Variants in COMMD1 observed in about 807,000 individuals in gnomAD.
The protein encoded by COMMD1 is copper metabolism domain containing 1.
COMMD1 carries 10 observed loss-of-function variants against 17.2 expected under a neutral mutation model. The observed-to-expected ratio is 0.58, with a 90% CI of 0.36 to 0.99. The LOEUF (loss-of-function observed/expected upper bound fraction) is 0.99, where lower values mean the gene tolerates loss of function less well. Among genes scored for constraint, COMMD1 ranks in the 50% least tolerant of loss-of-function variants. The probability of loss-of-function intolerance (pLI) is 0.01; values close to 1 mark genes in which losing one functional copy is unlikely to be tolerated. For synonymous variants in COMMD1, 97 were observed against 91.6 expected (o/e 1.06, Z -0.34); for missense variants, 270 against 231.8 (o/e 1.17, Z -1.07).
intron 2 of COMMD1, among the ~76,000 whole-genome samples, chr2:62,094,719 A>C (rs1671951291): frequency 6.6e-6 from 1 of 152,028 alleles, no homozygotes; most frequent in South Asian, 2.1e-4. Context: ...TTGAGAGAAT[A>C]AAGTCACTTC....
intron 2 of COMMD1, among the ~76,000 whole-genome samples, chr2:62,117,108 A>G (rs1439338240): frequency 6.6e-6 from 1 of 152,054 alleles, no homozygotes; most frequent in African/African-American, 2.4e-5. Flanking sequence ...GCCCCCACAC[A>G]TACCCACAGA....
intron 1 of COMMD1, among the ~76,000 whole-genome samples, chr2:61,945,363 C>T (rs1289044606): frequency 3.9e-5 from 6 of 152,170 alleles, no homozygotes; most frequent in Non-Finnish European, 8.8e-5. Flanking sequence ...ACAAAATAAA[C>T]TTTAGATCTT....
At chr2:62,035,561 T>G (rs1385012089) in intron 2 of COMMD1, among the ~76,000 whole-genome samples, 1 of 151,214 alleles carries the variant, frequency 6.6e-6, no homozygotes, top group Non-Finnish European at 1.5e-5. Context: ...GCCAACATGG[T>G]GTAACACTCT....
chr2:62,111,417 C>A (rs371576837), intron 2 of COMMD1, among the ~76,000 whole-genome samples: 1 of 152,080 alleles, frequency 6.6e-6, no homozygotes, highest in Non-Finnish European at 1.5e-5. Flanking sequence ...TGGACAGTTG[C>A]GTAGAAGTGT....
intron 2 of COMMD1, among the ~76,000 whole-genome samples, chr2:62,035,694 A>C (rs907928363): frequency 6.7e-6 from 1 of 149,242 alleles, no homozygotes; most frequent in East Asian, 2.0e-4. Context: ...AGATGTGATC[A>C]TGCCAACTGC....
chr2:62,095,011 A>G lies in COMMD1; in HGVS notation c.463-40820A>G, dbSNP rs78599985. ...CACCACTCCATAGTCAAGCTGACCAACTTCTTTTGCTCACTTGTATCATTC... is the reference window on the plus strand; with the variant it reads ...CACCACTCCATAGTCAAGCTGACCAGCTTCTTTTGCTCACTTGTATCATTC... On this transcript the variant is annotated intron_variant, in intron 2 of 2. Transcript: ENST00000311832. 2.5e-3 allele frequency among the ~76,000 whole-genome samples: 380 copies of G among 152,318 alleles called. 1 individual carries two copies. The highest frequency in any genetic ancestry group is 8.9e-3 in the African/African-American group (371 of 41,566).
intron 2 of COMMD1, among the ~76,000 whole-genome samples, chr2:62,106,578 A>G (rs1379947688): frequency 3.3e-5 from 5 of 152,188 alleles, no homozygotes; most frequent in Admixed American, 3.3e-4. Flanking sequence ...ACTCTAAACA[A>G]GTATTTTATG....
chr2:61,996,314 A>G (rs1028250032), intron 1 of COMMD1, among the ~76,000 whole-genome samples: 1 of 142,400 alleles, frequency 7.0e-6, no homozygotes, highest in Non-Finnish European at 1.5e-5. Flanking sequence ...TGTTTTCTAA[A>G]TGTGTGTGTG....
intron 2 of COMMD1, among the ~76,000 whole-genome samples, chr2:62,073,581 A>C (rs1275519861): frequency 6.6e-6 from 1 of 152,086 alleles, no homozygotes; most frequent in Non-Finnish European, 1.5e-5. Context: ...TGTAATTTCT[A>C]TTTCCCTAAA....
intron 1 of COMMD1, among the ~76,000 whole-genome samples, chr2:61,889,160 C>T (rs899470989): frequency 6.8e-6 from 1 of 146,504 alleles, no homozygotes; most frequent in Non-Finnish European, 1.5e-5. Context: ...GCCTCGGGCT[C>T]CCAAAGTGTT....
chr2:62,085,221 A>AATTTTTTTTTTT (rs1671624487), intron 2 of COMMD1, among the ~76,000 whole-genome samples: 1 of 144,414 alleles, frequency 6.9e-6, no homozygotes, highest in Non-Finnish European at 1.5e-5. Context: ...TACAGTTTGA[A>AATTTTTTTTTTT]TTTTTTTTTT....
At chr2:62,092,852 G>A (rs1054428136) in intron 2 of COMMD1, among the ~76,000 whole-genome samples, 6 of 152,194 alleles carry the variant, frequency 3.9e-5, no homozygotes, top group African/African-American at 1.2e-4. Context: ...GAAAAGGAGC[G>A]GATCTAAGAC....
At chr2:61,989,454 C>A (rs1672188771) in intron 1 of COMMD1, among the ~76,000 whole-genome samples, 1 of 150,806 alleles carries the variant, frequency 6.6e-6, no homozygotes, top group African/African-American at 2.4e-5. Context: ...CAAACCCTGG[C>A]AAATATTGAT....
chr2:61,901,389 G>A (rs1340234445), upstream of COMMD1, among the ~76,000 whole-genome samples: 4 of 151,934 alleles, frequency 2.6e-5, no homozygotes, highest in Non-Finnish European at 5.9e-5. Flanking sequence ...TTGGGAGGCC[G>A]AGGTGGGTGG....
chr2:62,026,145 G>C, intron 2 of COMMD1, among the ~76,000 whole-genome samples: 1 of 152,082 alleles, frequency 6.6e-6, no homozygotes, highest in East Asian at 1.9e-4. Context: ...AACCCATCCA[G>C]CTACCTGTTG....
intron 1 of COMMD1, among the ~76,000 whole-genome samples, chr2:61,968,730 G>C (rs1006929528): frequency 1.3e-5 from 2 of 151,572 alleles, no homozygotes; most frequent in Admixed American, 6.6e-5. Context: ...CTCATTTTTT[G>C]TATTTTTTAT....
chr2:62,035,435 G>A (rs572499490), intron 2 of COMMD1, among the ~76,000 whole-genome samples: 2 of 152,252 alleles, frequency 1.3e-5, no homozygotes, highest in African/African-American at 2.4e-5. Context: ...ATAAGCTGTA[G>A]CAATCAAGGT....
At chr2:61,935,839 CAG>C (rs1462550522) in intron 1 of COMMD1, among the ~76,000 whole-genome samples, 1 of 150,834 alleles carries the variant, frequency 6.6e-6, no homozygotes, top group East Asian at 1.9e-4. Context: ...TTTTTTGAGA[CAG>C]AGTCTCACTC....
At chr2:61,907,126 G>A (rs1248746054) in intron 1 of COMMD1, among the ~76,000 whole-genome samples, 1 of 151,596 alleles carries the variant, frequency 6.6e-6, no homozygotes, top group Non-Finnish European at 1.5e-5. Flanking sequence ...TTCTTTTTTT[G>A]AGACGAGTTT....
Sources: gnomAD v4.1 joint callset for allele counts (sites outside exome capture counted in the v4.1 genomes callset) on GRCh38, gnomAD v4.1.1 for gene constraint, MANE v1.5 for transcripts, NCBI Gene and HGNC (gene_info 2026-07-23, HGNC 2026-07-21) for gene names.